The following BPTF variants were observed in gnomAD, a reference collection of about 807,000 sequenced individuals.
BPTF encodes bromodomain PHD finger transcription factor.
Under a neutral mutation model 292.5 loss-of-function variants are expected in BPTF, and 18 were observed. That is an observed-to-expected ratio of 0.06 (90% CI 0.04 to 0.09). The LOEUF (loss-of-function observed/expected upper bound fraction) is 0.09. Ranked by LOEUF, BPTF falls within the 10% of genes least tolerant of loss-of-function variation. BPTF has a pLI of 1.00. For missense variants in BPTF, 2,726 were observed against 3,498.7 expected (o/e 0.78, Z 5.57); for synonymous variants, 1,225 against 1,251.9 (o/e 0.98, Z 0.45).
At chr17:67,840,537 CCTT>C (rs1380750258) in intron 1 of BPTF, among the ~76,000 whole-genome samples, 3 of 150,670 alleles carry the variant, frequency 2.0e-5, no homozygotes, top group African/African-American at 4.9e-5. Context: ...TTCCTCCTCT[CCTT>C]CTCCTCTTCC....
At chr17:67,968,645 G>A (rs12453719) in intron 26 of BPTF, among the ~76,000 whole-genome samples, 135,157 of 150,884 alleles carry the variant, frequency 0.9, 62,987 homozygotes, top group East Asian at 1. Flanking sequence ...AAAATTAGCC[G>A]GGTGTGGTGG....
At chr17:67,962,342 C>T (rs1464266833) in intron 24 of BPTF, among the ~76,000 whole-genome samples, 1 of 152,232 alleles carries the variant, frequency 6.6e-6, no homozygotes, top group Non-Finnish European at 1.5e-5. Context: ...TGGTAATTCT[C>T]ACTATGACTT....
chr17:67,959,681 T>TCCCCCCCCCCC lies in BPTF; in HGVS notation c.8069_8070insCCCCCCCCCCC (p.Ala2692ProfsTer41). On this transcript the variant is annotated frameshift_variant, in exon 24 of 28. Transcript: ENST00000306378. LOFTEE classifies it high-confidence loss of function. ...CAGCCCCTCCACCTTCACCTCCCCC[T>TCCCCCCCCCCC]CCACCTGCTGTGCAACACACAGGCC... is the stretch of plus-strand genomic sequence containing the variant. 1.5e-6 allele frequency: 2 copies of TCCCCCCCCCCC among 1,300,748 alleles called. No individual in the cohort carries two copies. The highest frequency in any genetic ancestry group is 2.1e-6 in the Non-Finnish European group (2 of 972,846). 80.6% of individuals were successfully genotyped at this position (1,300,748 alleles called of 1,614,324 possible).
chr17:67,969,206 G>C (rs2068479926), intron 26 of BPTF, among the ~76,000 whole-genome samples: 1 of 150,826 alleles, frequency 6.6e-6, no homozygotes, highest in South Asian at 2.1e-4. Flanking sequence ...CAGCACTTTG[G>C]GAGGCTGAGG....
intron 13 of BPTF, among the ~76,000 whole-genome samples, chr17:67,921,287 G>T (rs2063419708): frequency 6.6e-6 from 1 of 151,680 alleles, no homozygotes; most frequent in Non-Finnish European, 1.5e-5. Flanking sequence ...CACTTTGGGA[G>T]GCCGAGGCGG....
At chr17:67,838,123 C>G (rs1328920106) in intron 1 of BPTF, among the ~76,000 whole-genome samples, 1 of 152,216 alleles carries the variant, frequency 6.6e-6, no homozygotes, top group Non-Finnish European at 1.5e-5. Flanking sequence ...GGCTCTGTCA[C>G]AGCTGCTCAG....
At chr17:67,838,237 A>G (rs1264862014) in intron 1 of BPTF, among the ~76,000 whole-genome samples, 1 of 152,250 alleles carries the variant, frequency 6.6e-6, no homozygotes, top group Non-Finnish European at 1.5e-5. Context: ...GTGGCTGGCC[A>G]TAGTTTATTC....
At chr17:67,975,576 T>C in intron 26 of BPTF, 196 bp from the exon 27 acceptor site, 1 of 499,402 alleles carries the variant, frequency 2.0e-6, no homozygotes, top group Non-Finnish European at 3.5e-6. Context: ...ATTTATATTT[T>C]AGAACCTCAA....
intron 2 of BPTF, among the ~76,000 whole-genome samples, chr17:67,865,099 C>T (rs1037648969): frequency 6.6e-6 from 1 of 152,164 alleles, no homozygotes; most frequent in African/African-American, 2.4e-5. Context: ...AGCCACTGTG[C>T]CCAGCCAGTT....
At chr17:67,894,825 C>T (rs1262235231) in intron 7 of BPTF, among the ~76,000 whole-genome samples, 1 of 152,052 alleles carries the variant, frequency 6.6e-6, no homozygotes, top group Non-Finnish European at 1.5e-5. Flanking sequence ...GTTCATTGTC[C>T]AACCAAAGAT....
rs765757473 is a variant in BPTF at position 67,984,172 on chromosome 17, C to T, written c.*1884C>T. The T allele has an allele frequency of 6.6e-6, 1 of 152,542 alleles. No individual in the cohort carries two copies. Among genetic ancestry groups the T allele is most frequent in the Admixed American group, 6.6e-5 (1 of 15,242 alleles). 9.4% of individuals were successfully genotyped at this position (152,542 alleles called of 1,614,324 possible). A position where few individuals can be genotyped will look rare whatever the true frequency, so the allele number is the denominator to read the frequency against. On this transcript the variant is annotated 3_prime_UTR_variant, in exon 28 of 28. Transcript: ENST00000306378. Reference sequence around the variant, plus strand: ...TATAAAATTATTCTGCATCTCATCACGTCACAGTATTTCTGTACTATTTAT... The same window carrying T: ...TATAAAATTATTCTGCATCTCATCATGTCACAGTATTTCTGTACTATTTAT...
intron 4 of BPTF, among the ~76,000 whole-genome samples, chr17:67,881,252 A>G (rs2060381449): frequency 6.6e-6 from 1 of 152,176 alleles, no homozygotes; most frequent in Non-Finnish European, 1.5e-5. Flanking sequence ...AAAGATTGCT[A>G]CTATCACTTT....
chr17:67,957,593 G>C (rs1453032892), intron 23 of BPTF, among the ~76,000 whole-genome samples: 3 of 152,114 alleles, frequency 2.0e-5, no homozygotes, highest in African/African-American at 7.2e-5. Context: ...CTTATGGCCG[G>C]GTGTAAGTGG....
chr17:67,975,068 CTT>C (rs1255485371), intron 26 of BPTF: 4 of 152,162 alleles, frequency 2.6e-5, no homozygotes, highest in African/African-American at 9.7e-5. Flanking sequence ...AAAAGAAACT[CTT>C]ATCACTCCGG....
chr17:67,832,412 T>C (rs2056772523), intron 1 of BPTF, among the ~76,000 whole-genome samples: 1 of 152,226 alleles, frequency 6.6e-6, no homozygotes, highest in African/African-American at 2.4e-5. Context: ...AGATAGTAAG[T>C]TATATTCAAC....
chr17:67,964,014 A>G (rs782376667), intron 24 of BPTF, among the ~76,000 whole-genome samples, 198 bp from the exon 25 acceptor site: 1 of 152,226 alleles, frequency 6.6e-6, no homozygotes, highest in African/African-American at 2.4e-5. Context: ...CAGTGTTCTT[A>G]TAAATTTTTT....
intron 4 of BPTF, chr17:67,886,314 T>G (rs769607707): frequency 1.9e-6 from 3 of 1,601,422 alleles, no homozygotes; most frequent in South Asian, 1.1e-5. Flanking sequence ...CAGGAAGAGA[T>G]AGGTAAGAAT....
At chr17:67,866,960 C>A (rs576850168) in intron 3 of BPTF, among the ~76,000 whole-genome samples, 136 of 152,302 alleles carry the variant, frequency 8.9e-4, no homozygotes, top group Middle Eastern at 3.4e-3. Context: ...TGTACTGAAT[C>A]CCATAAGCAG....
chr17:67,854,854 G>T lies in BPTF; in HGVS notation c.1436+92G>T, dbSNP rs2058598106. 1 of 856,368 alleles carries T rather than the reference G, an allele frequency of 1.2e-6. No individual in the cohort carries two copies. Among genetic ancestry groups the T allele is most frequent in the Non-Finnish European group, 1.8e-6 (1 of 556,830 alleles). The allele number at this position is 856,368 out of a possible 1,614,324, so 53.0% of individuals were successfully genotyped here. A position where few individuals can be genotyped will look rare whatever the true frequency, so the allele number is the denominator to read the frequency against. On this transcript the variant is annotated intron_variant, in intron 2 of 27. Transcript: ENST00000306378. This position sits in a 1 kb window ranked among gnomAD's most constrained non-coding sequence, Gnocchi z 5.6. ...GTAGCAGAGCTATGCTGTTGATGTG[G>T]TATAAACCTTTGTAACTTAATAGTT...
Sources: gnomAD v4.1 joint callset for allele counts (sites outside exome capture counted in the v4.1 genomes callset) on GRCh38, gnomAD v4.1.1 for gene constraint, Gnocchi (gnomAD v3.1) non-coding constraint, MANE v1.5 for transcripts, NCBI Gene and HGNC (gene_info 2026-07-23, HGNC 2026-07-21) for gene names.